SLC2A9: variants seen among roughly 807,000 people sequenced by gnomAD.
The protein encoded by SLC2A9 is solute carrier family 2, facilitated glucose transporter member 9.
SLC2A9 carries 39 observed loss-of-function variants against 50.6 expected under a neutral mutation model. That is an observed-to-expected ratio of 0.77 (90% CI 0.60 to 1.01). SLC2A9 has a LOEUF of 1.01. Ranked by LOEUF, SLC2A9 falls within the 50% of genes least tolerant of loss-of-function variation. SLC2A9 has a pLI of 0.00. For synonymous variants in SLC2A9, 324 were observed against 276.9 expected (o/e 1.17, Z -1.69); for missense variants, 686 against 677.6 (o/e 1.01, Z -0.14).
chr4:9,789,486 T>G (rs774372621), intron 3 of SLC2A9, among the ~76,000 whole-genome samples: 1 of 152,210 alleles, frequency 6.6e-6, no homozygotes, highest in Non-Finnish European at 1.5e-5. Context: ...AGAGTCAATA[T>G]GCAGTAGATG....
At chr4:9,976,284 A>T (rs552744999) in intron 5 of SLC2A9, among the ~76,000 whole-genome samples, 2 of 152,154 alleles carry the variant, frequency 1.3e-5, no homozygotes, top group African/African-American at 2.4e-5. Context: ...ATAAATAGCT[A>T]CCTTCTTGCT....
chr4:9,976,753 C>T (rs1754869476), intron 5 of SLC2A9, among the ~76,000 whole-genome samples: 1 of 152,196 alleles, frequency 6.6e-6, no homozygotes, highest in South Asian at 2.1e-4. Flanking sequence ...TGTTCATGAG[C>T]CCTGTTCCTG....
intron 1 of SLC2A9, among the ~76,000 whole-genome samples, chr4:10,038,922 CTAAA>C (rs1245098698): frequency 2.0e-5 from 3 of 152,176 alleles, no homozygotes; most frequent in African/African-American, 7.2e-5. Flanking sequence ...GGCTAGGTGG[CTAAA>C]TAGTCTCATC....
intron 2 of SLC2A9, among the ~76,000 whole-genome samples, chr4:10,001,926 C>T (rs182402214): frequency 3.3e-4 from 50 of 152,366 alleles, no homozygotes; most frequent in Middle Eastern, 6.8e-3. Context: ...CCCGCTCTCC[C>T]AGCATCCTCT....
At chr4:9,966,591 G>A (rs1225509010) in intron 5 of SLC2A9, among the ~76,000 whole-genome samples, 2 of 132,320 alleles carry the variant, frequency 1.5e-5, no homozygotes. Context: ...GGGAGGCGGG[G>A]GTTGAGAGCC....
chr4:9,958,410 C>T (rs983727724), intron 5 of SLC2A9, among the ~76,000 whole-genome samples: 2 of 152,172 alleles, frequency 1.3e-5, no homozygotes, highest in African/African-American at 4.8e-5. Context: ...CCAAACACCG[C>T]ATGTCCTCAA....
At chr4:9,953,160 A>G (rs1261358146) in intron 5 of SLC2A9, among the ~76,000 whole-genome samples, 3 of 152,220 alleles carry the variant, frequency 2.0e-5, no homozygotes, top group African/African-American at 7.2e-5. Flanking sequence ...TCCTGACTGG[A>G]AACTGGGCAA....
chr4:9,806,847 T>C (rs1389827300), intron 3 of SLC2A9, among the ~76,000 whole-genome samples: 1 of 152,190 alleles, frequency 6.6e-6, no homozygotes, highest in Non-Finnish European at 1.5e-5. Flanking sequence ...TCAAGGGGGA[T>C]ATGCTTGAAC....
At chr4:10,038,153 G>A (rs970983075) in intron 1 of SLC2A9, among the ~76,000 whole-genome samples, 1 of 151,974 alleles carries the variant, frequency 6.6e-6, no homozygotes, top group Non-Finnish European at 1.5e-5. Context: ...CTGCATTTGT[G>A]AGTCCCTTAC....
chr4:10,024,231 C>T (rs1314750586), upstream of SLC2A9, among the ~76,000 whole-genome samples: 1 of 152,114 alleles, frequency 6.6e-6, no homozygotes, highest in Non-Finnish European at 1.5e-5. Context: ...TTCCCCTCTG[C>T]ACGGGAGCTC....
At chr4:9,999,216 G>C (rs1227649900) in intron 2 of SLC2A9, among the ~76,000 whole-genome samples, 3 of 151,874 alleles carry the variant, frequency 2.0e-5, no homozygotes, top group Non-Finnish European at 2.9e-5. Context: ...CACTATGCCT[G>C]GATAAATTTT....
intron 10 of SLC2A9, among the ~76,000 whole-genome samples, chr4:9,852,173 C>A (rs549844618): frequency 8.0e-4 from 122 of 152,050 alleles, no homozygotes; most frequent in Admixed American, 1.5e-3. Flanking sequence ...AAAGTGAACC[C>A]CGTCAGGCTA....
chr4:9,912,334 A>G (rs1426561107), intron 7 of SLC2A9, among the ~76,000 whole-genome samples: 1 of 152,160 alleles, frequency 6.6e-6, no homozygotes, highest in African/African-American at 2.4e-5. Context: ...ACAGTGGCAC[A>G]TATGCCATGC....
chr4:9,823,851 G>T (rs992327322), downstream of SLC2A9, among the ~76,000 whole-genome samples: 1 of 152,202 alleles, frequency 6.6e-6, no homozygotes, highest in Non-Finnish European at 1.5e-5. Context: ...CATGTATTCT[G>T]TGATTCCAAC....
At chr4:10,011,052 T>C (rs539809855) in intron 2 of SLC2A9, among the ~76,000 whole-genome samples, 38 of 152,322 alleles carry the variant, frequency 2.5e-4, no homozygotes, top group African/African-American at 8.9e-4. Flanking sequence ...TTGCTTCTCA[T>C]GGATCAGCTA....
At chr4:9,931,512 T>C (rs898638140) in intron 6 of SLC2A9, among the ~76,000 whole-genome samples, 3 of 152,122 alleles carry the variant, frequency 2.0e-5, no homozygotes, top group Non-Finnish European at 4.4e-5. Context: ...CCAGGCTTTG[T>C]GCGAGGTGTC....
intron 3 of SLC2A9, among the ~76,000 whole-genome samples, chr4:9,814,220 C>T (rs538915363): frequency 5.9e-5 from 9 of 152,310 alleles, no homozygotes; most frequent in South Asian, 2.1e-4. Context: ...ACACTAGACT[C>T]ATTCTGGCTA....
At chr4:9,942,947 A>G (rs1748454153) in intron 5 of SLC2A9, among the ~76,000 whole-genome samples, 1 of 152,210 alleles carries the variant, frequency 6.6e-6, no homozygotes, top group Non-Finnish European at 1.5e-5. Context: ...CCAAGGGCAA[A>G]ATAAGACACA....
intron 1 of SLC2A9, among the ~76,000 whole-genome samples, chr4:10,030,904 G>T (rs1479828731): frequency 6.6e-6 from 1 of 152,140 alleles, no homozygotes; most frequent in Non-Finnish European, 1.5e-5. Flanking sequence ...CATAGACCTG[G>T]AAACTGGGGC....
Sources: gnomAD v4.1 joint callset for allele counts (sites outside exome capture counted in the v4.1 genomes callset) on GRCh38, gnomAD v4.1.1 for gene constraint, MANE v1.5 for transcripts, NCBI Gene and HGNC (gene_info 2026-07-23, HGNC 2026-07-21) for gene names.